Variants in ABHD2 observed in about 807,000 individuals in gnomAD.
ABHD2 encodes the protein monoacylglycerol lipase ABHD2.
Under a neutral mutation model 48.1 loss-of-function variants are expected in ABHD2, and 20 were observed. The ratio of observed to expected loss-of-function variants is 0.42; its 90% CI spans 0.29 to 0.60. The LOEUF (loss-of-function observed/expected upper bound fraction) is 0.60, where lower values mean the gene tolerates loss of function less well. ABHD2 is among the 20% of genes least tolerant of loss of function. ABHD2 has a pLI of 0.24. For synonymous variants in ABHD2, 209 were observed against 214.2 expected (o/e 0.98, Z 0.21); for missense variants, 405 against 550.9 (o/e 0.74, Z 2.65).
At position 89,185,135 on chromosome 15, in the gene ABHD2, G is replaced by A. The variant is rs2051184220; in HGVS notation, c.723-289G>A. 6.6e-6 allele frequency among the ~76,000 whole-genome samples: 1 copy of A among 152,202 alleles called. No individual in the cohort carries two copies. Among genetic ancestry groups the A allele is most frequent in the Non-Finnish European group, 1.5e-5 (1 of 68,034 alleles). ...GTCCTGGCAGGCTCAGTGACTAAGAGAAGGTCCAGGTGCTAGAAGAGAGTG... is the reference window on the plus strand; with the variant it reads ...GTCCTGGCAGGCTCAGTGACTAAGAAAAGGTCCAGGTGCTAGAAGAGAGTG... On this transcript the variant is annotated intron_variant, in intron 6 of 10. Transcript: ENST00000352732. The surrounding 1 kb of genome is among the most constrained non-coding windows in gnomAD (Gnocchi z 5.9).
At chr15:89,089,402 T>A (rs903017174) in intron 1 of ABHD2, among the ~76,000 whole-genome samples, 2 of 152,250 alleles carry the variant, frequency 1.3e-5, no homozygotes, top group Non-Finnish European at 2.9e-5. Flanking sequence ...ATTTTGAGGT[T>A]TCAGCTCTCA....
chr15:89,045,194 T>C, the ABHD2 span, among the ~76,000 whole-genome samples: 368 of 152,076 alleles, frequency 2.4e-3, 1 homozygote, highest in African/African-American at 7.7e-3. Context: ...TTCTCAGGTT[T>C]GTCAAAGATC....
rs201108673 is a variant in ABHD2 at position 89,155,569 on chromosome 15, G to T, written c.538+35G>T. 8 of 1,588,756 alleles carry T rather than the reference G, an allele frequency of 5.0e-6. No homozygotes were observed. In the African/African-American group the frequency reaches 5.4e-5, roughly 11 times the overall value. On this transcript the variant is annotated intron_variant, in intron 5 of 10. Coordinates refer to ENST00000352732, the MANE Select transcript of ABHD2 (RefSeq NM_152924.5). This position sits in a 1 kb window ranked among gnomAD's most constrained non-coding sequence, Gnocchi z 4.9. ...GCTAAGTGGAGTCCTCCCTTTTTCTGCAAGTGTGCTACTACTTCTGCTTCT... is the reference window on the plus strand; with the variant it reads ...GCTAAGTGGAGTCCTCCCTTTTTCTTCAAGTGTGCTACTACTTCTGCTTCT...
intron 3 of ABHD2, among the ~76,000 whole-genome samples, chr15:89,140,569 T>TGA (rs1245273235): frequency 2.0e-5 from 3 of 152,076 alleles, no homozygotes; most frequent in Non-Finnish European, 2.9e-5. Flanking sequence ...CTCTACAGAT[T>TGA]GAGAGAGAGA....
Position 89,151,764 on chromosome 15 carries a change from T to C in ABHD2, c.282T>C (p.Pro94=). The C allele has an allele frequency of 6.2e-7, 1 of 1,614,240 alleles. No individual in the cohort carries two copies. Among genetic ancestry groups the C allele is most frequent in the Non-Finnish European group, 8.5e-7 (1 of 1,180,044 alleles). The stretch of plus-strand genomic sequence containing the variant: ...TGGGAAGGGTGAGGTCGCCACATCC[T>C]TATGGGCACCGGAAGTTCATCACTA... ...GKMGRVRSPH[P]YGHRKFITMS... Residue 94 remains proline, a synonymous_variant, in exon 4 of 11, where the codon CCT becomes CCC. Transcript: ENST00000352732. This position sits in a 1 kb window ranked among gnomAD's most constrained non-coding sequence, Gnocchi z 4.7.
intron 3 of ABHD2, among the ~76,000 whole-genome samples, chr15:89,133,850 T>TTTG (rs1555428926): frequency 1.3e-4 from 19 of 147,788 alleles, no homozygotes; most frequent in African/African-American, 4.2e-4. Context: ...TTTTTTTTTT[T>TTTG]TTTTGAGACA....
rs1901621561 is a variant in ABHD2, at chr15:89,092,160, T to C, written c.-107+3597T>C. ...TAAAATGGTTGGTGTGGACAGACGA[T>C]AAGCTCCACCATTACCCCTGAAGCT... On this transcript the variant is annotated intron_variant, in intron 1 of 10. Transcript: ENST00000352732. The surrounding 1 kb of genome is among the most constrained non-coding windows in gnomAD (Gnocchi z 4.4). Among the ~76,000 whole-genome samples the C allele has an allele frequency of 1.3e-5, 2 of 152,264 alleles. No homozygotes were observed. Among genetic ancestry groups the C allele is most frequent in the Non-Finnish European group, 2.9e-5 (2 of 68,044 alleles).
chr15:89,170,044 A>AAG (rs1480234354), intron 5 of ABHD2, among the ~76,000 whole-genome samples: 2 of 134,928 alleles, frequency 1.5e-5, no homozygotes, highest in Non-Finnish European at 3.1e-5. Context: ...TTTATCCCTT[A>AAG]AGATGGCTCA....
intron 3 of ABHD2, among the ~76,000 whole-genome samples, chr15:89,143,234 A>G (rs112404460): frequency 1.0e-3 from 157 of 152,282 alleles, no homozygotes; most frequent in African/African-American, 3.6e-3. Flanking sequence ...TCTTCTGTCA[A>G]TTTTTAGACA....
chr15:89,065,301 GA>G, the ABHD2 span, among the ~76,000 whole-genome samples: 1 of 152,246 alleles, frequency 6.6e-6, no homozygotes, highest in Non-Finnish European at 1.5e-5. Context: ...AACTCATTTA[GA>G]ATCATTGTCC....
chr15:89,074,747 C>A, the ABHD2 span, among the ~76,000 whole-genome samples: 69 of 152,272 alleles, frequency 4.5e-4, no homozygotes, highest in African/African-American at 1.6e-3. Context: ...AAGAACCTAG[C>A]TTGCTTTGTC....
intron 1 of ABHD2, among the ~76,000 whole-genome samples, chr15:89,109,471 G>A (rs543008091): frequency 6.6e-6 from 1 of 152,172 alleles, no homozygotes; most frequent in East Asian, 1.9e-4. Context: ...GGTTTGGGGT[G>A]GGGGTAGGGA....
At chr15:89,163,141 GC>G (rs1170320856) in intron 5 of ABHD2, among the ~76,000 whole-genome samples, 1 of 152,204 alleles carries the variant, frequency 6.6e-6, no homozygotes, top group Non-Finnish European at 1.5e-5. Flanking sequence ...ACTAAAGAGG[GC>G]ATTAACATGA....
At chr15:89,162,140 G>T (rs2050772010) in intron 5 of ABHD2, among the ~76,000 whole-genome samples, 4 of 152,096 alleles carry the variant, frequency 2.6e-5, no homozygotes, top group African/African-American at 9.7e-5. Context: ...TGAGGTACCG[G>T]GGGTTACGAG....
At chr15:89,078,208 C>T in the ABHD2 span, among the ~76,000 whole-genome samples, 58,777 of 152,016 alleles carry the variant, frequency 0.39, 12,180 homozygotes, top group South Asian at 0.49. Context: ...TAACAACTTA[C>T]ATTGAAACTA....
rs2049584402 is a variant in ABHD2 at position 89,094,727 on chromosome 15, C to A, written c.-107+6164C>A. ...CGTCTCAAAACAGCAACAACAACAA[C>A]AACAAAAACAAATAAGGAAATACAA... On this transcript the variant is annotated intron_variant, in intron 1 of 10. Transcript: ENST00000352732. This position sits in a 1 kb window ranked among gnomAD's most constrained non-coding sequence, Gnocchi z 4.7. 6.6e-6 allele frequency among the ~76,000 whole-genome samples: 1 copy of A among 150,538 alleles called. No homozygotes were observed. Among genetic ancestry groups the A allele is most frequent in the African/African-American group, 2.4e-5 (1 of 40,866 alleles).
At chr15:89,052,542 G>GGCAGACACACACAC in the ABHD2 span, among the ~76,000 whole-genome samples, 19 of 138,962 alleles carry the variant, frequency 1.4e-4, no homozygotes, top group African/African-American at 5.3e-4. Context: ...CAGACAGACA[G>GGCAGACACACACAC]ACAGACAGAC....
chr15:89,057,438 G>A, the ABHD2 span, among the ~76,000 whole-genome samples: 4 of 152,194 alleles, frequency 2.6e-5, no homozygotes, highest in African/African-American at 9.6e-5. Context: ...GTGACCACTG[G>A]GAAGTTGGGG....
the ABHD2 span, among the ~76,000 whole-genome samples, chr15:89,061,377 C>A: frequency 6.6e-6 from 1 of 151,774 alleles, no homozygotes; most frequent in African/African-American, 2.4e-5. Flanking sequence ...GAGATCACAC[C>A]ATTGCACTCC....
Sources: allele counts gnomAD v4.1 joint callset (sites outside exome capture counted in the v4.1 genomes callset), GRCh38; gene constraint gnomAD v4.1.1; non-coding constraint Gnocchi (gnomAD v3.1); transcripts MANE v1.5; gene names NCBI Gene and HGNC (gene_info 2026-07-23, HGNC 2026-07-21).